TFAP2C: variants seen among roughly 807,000 people sequenced by gnomAD.
The protein encoded by TFAP2C is transcription factor AP-2 gamma.
In TFAP2C, 9 loss-of-function variants were observed where a neutral mutation model predicts 42.9. The ratio of observed to expected loss-of-function variants is 0.21; its 90% CI spans 0.13 to 0.37. The LOEUF is 0.37. Ranked by LOEUF, TFAP2C falls within the 10% of genes least tolerant of loss-of-function variation. The pLI is 1.00. For synonymous variants in TFAP2C, 264 were observed against 256.0 expected (o/e 1.03, Z -0.30); for missense variants, 462 against 591.7 (o/e 0.78, Z 2.27).
chr20:56,630,705 T>A lies in TFAP2C; in HGVS notation c.49-500T>A. On this transcript the variant is annotated intron_variant, in intron 1 of 6. Transcript: ENST00000201031. This position sits in a 1 kb window ranked among gnomAD's most constrained non-coding sequence, Gnocchi z 5.1. The stretch of plus-strand genomic sequence containing the variant: ...TGTCCCGAGGGCGTGGAAGGGAGGG[T>A]CCCGGGGGCGGGGGAGGTGCGCATT... The A allele has an allele frequency of 1.0e-6, 1 of 985,026 alleles. No homozygotes were observed. Among genetic ancestry groups the A allele is most frequent in the Non-Finnish European group, 1.2e-6 (1 of 829,792 alleles). The allele number at this position is 985,026 out of a possible 1,614,324, so 61.0% of individuals were successfully genotyped here. A position where few individuals can be genotyped will look rare whatever the true frequency, so the allele number is the denominator to read the frequency against.
In TFAP2C at chr20:56,629,452, C is replaced by G; in HGVS notation, c.-93C>G. ...GCGCGGCGGGGGCGGCGGCAGACGC[C>G]TGGTCACCGTGACCCCGATTTTGGA... On this transcript the variant is annotated 5_prime_UTR_variant, in exon 1 of 7. Transcript: ENST00000201031. This position sits in a 1 kb window ranked among gnomAD's most constrained non-coding sequence, Gnocchi z 5.9. The G allele has an allele frequency of 8.4e-7, 1 of 1,190,504 alleles. No individual in the cohort carries two copies. The highest frequency in any genetic ancestry group is 1.1e-6 in the Non-Finnish European group (1 of 909,432). 73.7% of individuals were successfully genotyped at this position (1,190,504 alleles called of 1,614,324 possible).
At chr20:56,634,064 C>T (rs1987543263) in intron 4 of TFAP2C, 86 bp from the exon 5 acceptor site, 2 of 881,792 alleles carry the variant, frequency 2.3e-6, no homozygotes, top group Middle Eastern at 2.2e-4. Flanking sequence ...GACAGCAGCA[C>T]TTTAGGAGTT....
chr20:56,636,930 T>C (rs1987593427), intron 6 of TFAP2C, among the ~76,000 whole-genome samples, 176 bp downstream of exon 6: 1 of 152,208 alleles, frequency 6.6e-6, no homozygotes, highest in South Asian at 2.1e-4. Context: ...CATTAACTTT[T>C]TGTATGATTT....
In TFAP2C at chr20:56,629,645, G is replaced by T; in HGVS notation, c.48+53G>T. On this transcript the variant is annotated intron_variant, in intron 1 of 6. Coordinates refer to ENST00000201031, the MANE Select transcript of TFAP2C (RefSeq NM_003222.4). This position sits in a 1 kb window ranked among gnomAD's most constrained non-coding sequence, Gnocchi z 5.9. ...CGCCCCGCCGAGGACAGTCCGGGAG[G>T]CAGGGGCCACTGGACCGAGGTCGGG... 1 of 1,349,004 alleles carries T rather than the reference G, an allele frequency of 7.4e-7. No individual in the cohort carries two copies. Among genetic ancestry groups the T allele is most frequent in the East Asian group, 2.8e-5 (1 of 36,014 alleles). 83.6% of individuals were successfully genotyped at this position (1,349,004 alleles called of 1,614,324 possible). A position where few individuals can be genotyped will look rare whatever the true frequency, so the allele number is the denominator to read the frequency against.
rs1555825343 is a variant in TFAP2C at position 56,631,754 on chromosome 20, A to C, written c.535-51A>C. ...CTACGGCCTTCTGCCCCCACCCCGC[A>C]CTCCTCTAGGCTCCCCCGAACTTAA... On this transcript the variant is annotated intron_variant, in intron 2 of 6. Transcript: ENST00000201031. This position sits in a 1 kb window ranked among gnomAD's most constrained non-coding sequence, Gnocchi z 6.1. The C allele has an allele frequency of 6.2e-7, 1 of 1,611,310 alleles. No homozygotes were observed. Among genetic ancestry groups the C allele is most frequent in the South Asian group, 1.1e-5 (1 of 90,790 alleles).
rs745966633 is a variant in TFAP2C at position 56,638,284 on chromosome 20, TTCTTTCCTTCTCTGAAAG to T, written c.*273_*290del. On this transcript the variant is annotated 3_prime_UTR_variant, in exon 7 of 7. Coordinates refer to ENST00000201031, the MANE Select transcript of TFAP2C (RefSeq NM_003222.4). ...TTAAGCTTTTTTTTTTTGAACCCCA[TTCTTTCCTTCTCTGAAAG>T]TGGTGCTATAAGTTTTAGAATCTTT... 68 of 373,236 alleles carry T rather than the reference TTCTTTCCTTCTCTGAAAG, an allele frequency of 1.8e-4. No homozygotes were observed. The highest frequency in any genetic ancestry group is 3.0e-4 in the Non-Finnish European group (62 of 207,386). The allele number at this position is 373,236 out of a possible 1,614,324, so 23.1% of individuals were successfully genotyped here.
rs188914795 is a variant in TFAP2C at position 56,637,994 on chromosome 20, T to C, written c.1334T>C (p.Met445Thr). 2.2e-5 allele frequency: 35 copies of C among 1,612,884 alleles called. No individual in the cohort carries two copies. The highest frequency in any genetic ancestry group is 5.0e-5 in the Admixed American group (3 of 59,912). ...PADSNKTLEK[M>T]EKHRK ...GATTCTAACAAAACCCTGGAGAAAA[T>C]GGAGAAACACAGGAAATAAAATTGG... is the stretch of plus-strand genomic sequence containing the variant. The change falls in exon 7 of 7, where the codon ATG becomes ACG. Residue 445 changes from methionine (M) to threonine (T), a missense_variant. Around this residue, in one of 5 missense-constraint regions of TFAP2C, gnomAD observed 130 missense variants for 160.8 expected, o/e 0.81. Coordinates refer to ENST00000201031, the MANE Select transcript of TFAP2C (RefSeq NM_003222.4).
At position 56,630,855 on chromosome 20, in the gene TFAP2C, C is replaced by G. The variant is rs1987475078; in HGVS notation, c.49-350C>G. The G allele has an allele frequency of 1.0e-6, 1 of 984,714 alleles. No homozygotes were observed. The highest frequency in any genetic ancestry group is 1.1e-4 in the East Asian group (1 of 8,794). 61.0% of individuals were successfully genotyped at this position (984,714 alleles called of 1,614,324 possible). On this transcript the variant is annotated intron_variant, in intron 1 of 6. Coordinates refer to ENST00000201031, the MANE Select transcript of TFAP2C (RefSeq NM_003222.4). This position sits in a 1 kb window ranked among gnomAD's most constrained non-coding sequence, Gnocchi z 5.1. ...GGCTCCTTCGCCCCGGGCTCTGGCT[C>G]CTTCGCCCCGGGCTCCGGCCACGGA...
At position 56,631,577 on chromosome 20, in the gene TFAP2C, G is replaced by T; in HGVS notation, c.421G>T (p.Asp141Tyr). The T allele has an allele frequency of 1.3e-6, 2 of 1,538,470 alleles. No homozygotes were observed. Among genetic ancestry groups the T allele is most frequent in the Non-Finnish European group, 1.7e-6 (2 of 1,149,592 alleles). ...GGCGGGCGCGGTGAGCGCCCGCAGG[G>T]ATGCCTACCGCCGCTCCGACCTGCT... ...LEAGAVSARR[D>Y]AYRRSDLLLP... Residue 141 changes from aspartate to tyrosine, a missense_variant, in exon 2 of 7, where the codon GAT becomes TAT. This residue lies in a region of TFAP2C where 271 missense variants were observed against 269.7 expected (regional missense o/e 1.00). Transcript: ENST00000201031. This position sits in a 1 kb window ranked among gnomAD's most constrained non-coding sequence, Gnocchi z 6.1.
Position 56,631,023 on chromosome 20 carries a change from T to C in TFAP2C, c.49-182T>C. 2.0e-6 allele frequency: 2 copies of C among 985,298 alleles called. No homozygotes were observed. Among genetic ancestry groups the C allele is most frequent in the Non-Finnish European group, 2.4e-6 (2 of 829,866 alleles). The allele number at this position is 985,298 out of a possible 1,614,324, so 61.0% of individuals were successfully genotyped here. Reference sequence around the variant, plus strand: ...CAGACTCTCCTCCCTCCCCGCACTCTTTGCTTACAACGAAATCCTCGGGGC... The same window carrying C: ...CAGACTCTCCTCCCTCCCCGCACTCCTTGCTTACAACGAAATCCTCGGGGC... On this transcript the variant is annotated intron_variant, in intron 1 of 6. Transcript: ENST00000201031. This position sits in a 1 kb window ranked among gnomAD's most constrained non-coding sequence, Gnocchi z 6.1.
Position 56,636,748 on chromosome 20 carries a change from C to A in TFAP2C, c.1061C>A (p.Ala354Glu). Residue 354 changes from alanine (A) to glutamate (E), a missense_variant, in exon 6 of 7, where the codon GCG becomes GAG. Transcript: ENST00000201031. ...EMAARKNMLL[A>E]AQQLCKEFTE... The stretch of plus-strand genomic sequence containing the variant: ...GCAGCTAGGAAGAACATGCTATTGG[C>A]GGCCCAGTAAGTATCTGAACTTGAA... The A allele has an allele frequency of 6.2e-7, 1 of 1,612,148 alleles. No individual in the cohort carries two copies.
rs1987491406 is a variant in TFAP2C, at chr20:56,631,548, T to C, written c.392T>C (p.Leu131Pro). 6.5e-7 allele frequency: 1 copy of C among 1,530,880 alleles called. No individual in the cohort carries two copies. Among genetic ancestry groups the C allele is most frequent in the Non-Finnish European group, 8.7e-7 (1 of 1,145,266 alleles). The allele number at this position is 1,530,880 out of a possible 1,614,324, so 94.8% of individuals were successfully genotyped here. ...GGCCTACTGCCCCACCTCTCCGGGCTGGAGGCGGGCGCGGTGAGCGCCCGC... is the reference window on the plus strand; with the variant it reads ...GGCCTACTGCCCCACCTCTCCGGGCCGGAGGCGGGCGCGGTGAGCGCCCGC... ...PAGLLPHLSG[L>P]EAGAVSARRD... The change falls in exon 2 of 7, where the codon CTG becomes CCG. Residue 131 changes from leucine to proline, a missense_variant. Around this residue, in one of 5 missense-constraint regions of TFAP2C, gnomAD observed 271 missense variants for 269.7 expected, o/e 1.00. Coordinates refer to ENST00000201031, the MANE Select transcript of TFAP2C (RefSeq NM_003222.4). The surrounding 1 kb of genome is among the most constrained non-coding windows in gnomAD (Gnocchi z 6.1).
chr20:56,631,315 A>C lies in TFAP2C; in HGVS notation c.159A>C (p.Glu53Asp). The change falls in exon 2 of 7, where the codon GAA becomes GAC. Residue 53 changes from glutamate (E) to aspartate (D), a missense_variant. Coordinates refer to ENST00000201031, the MANE Select transcript of TFAP2C (RefSeq NM_003222.4). The surrounding 1 kb of genome is among the most constrained non-coding windows in gnomAD (Gnocchi z 6.1). ...APPLSHTGVA[E>D]YQPPPYFPPP... The stretch of plus-strand genomic sequence containing the variant: ...CCCTCTCCCACACTGGAGTCGCCGA[A>C]TATCAGCCGCCACCCTACTTTCCCC... The C allele has an allele frequency of 6.2e-7, 1 of 1,608,368 alleles. No homozygotes were observed. Among genetic ancestry groups the C allele is most frequent in the East Asian group, 2.3e-5 (1 of 44,338 alleles).
Position 56,638,264 on chromosome 20 carries a change from C to CT in TFAP2C, c.*262dup, listed in dbSNP as rs112295160. 5,632 of 351,922 alleles carry CT rather than the reference C, an allele frequency of 0.016. 2 individuals carry two copies. Among genetic ancestry groups the CT allele is most frequent in the Middle Eastern group, 0.027 (34 of 1,280 alleles). 21.8% of individuals were successfully genotyped at this position (351,922 alleles called of 1,614,324 possible). A position where few individuals can be genotyped will look rare whatever the true frequency, so the allele number is the denominator to read the frequency against. On this transcript the variant is annotated 3_prime_UTR_variant, in exon 7 of 7. Coordinates refer to ENST00000201031, the MANE Select transcript of TFAP2C (RefSeq NM_003222.4). ...AAGTACTGGCTCTTTATTCATTAAGCTTTTTTTTTTTGAACCCCATTCTTT... is the reference window on the plus strand; with the variant it reads ...AAGTACTGGCTCTTTATTCATTAAGCTTTTTTTTTTTTGAACCCCATTCTTT...
intron 5 of TFAP2C, among the ~76,000 whole-genome samples, chr20:56,635,326 C>T (rs931651461): frequency 6.6e-6 from 1 of 152,050 alleles, no homozygotes. Context: ...TTCAGTCAAC[C>T]CAGGGGGCCC....
rs368862120 is a variant in TFAP2C at position 56,630,831 on chromosome 20, G to T, written c.49-374G>T. 1.0e-6 allele frequency: 1 copy of T among 984,004 alleles called. No individual in the cohort carries two copies. The highest frequency in any genetic ancestry group is 1.1e-4 in the East Asian group (1 of 8,756). 61.0% of individuals were successfully genotyped at this position (984,004 alleles called of 1,614,324 possible). On this transcript the variant is annotated intron_variant, in intron 1 of 6. Coordinates refer to ENST00000201031, the MANE Select transcript of TFAP2C (RefSeq NM_003222.4). The surrounding 1 kb of genome is among the most constrained non-coding windows in gnomAD (Gnocchi z 5.1). ...GAGATAGCTCTGCACCGGGCGTCCG[G>T]CTCCTTCGCCCCGGGCTCTGGCTCC...
At chr20:56,635,753 A>G (rs1026069956) in intron 5 of TFAP2C, among the ~76,000 whole-genome samples, 1 of 152,210 alleles carries the variant, frequency 6.6e-6, no homozygotes, top group Non-Finnish European at 1.5e-5. Flanking sequence ...TACTCATCTC[A>G]GTATCCATGG....
At chr20:56,633,871 C>T (rs551381615) in intron 4 of TFAP2C, among the ~76,000 whole-genome samples, 42 of 152,130 alleles carry the variant, frequency 2.8e-4, no homozygotes, top group Non-Finnish European at 5.3e-4. Context: ...TTTGTGGGGC[C>T]GTTGTAGTTT....
In TFAP2C at chr20:56,630,898, C is replaced by T. The variant is rs1462849767; in HGVS notation, c.49-307C>T. On this transcript the variant is annotated intron_variant, in intron 1 of 6. Transcript: ENST00000201031. The surrounding 1 kb of genome is among the most constrained non-coding windows in gnomAD (Gnocchi z 5.1). ...GCCACGGACTTTTCTGGCCCAAGAC[C>T]CAGGGTTCGGACTTGGCGCCTCCAA... The T allele has an allele frequency of 2.0e-6, 2 of 985,296 alleles. No individual in the cohort carries two copies. The highest frequency in any genetic ancestry group is 3.5e-5 in the African/African-American group (2 of 57,244). The allele number at this position is 985,296 out of a possible 1,614,324, so 61.0% of individuals were successfully genotyped here. A position where few individuals can be genotyped will look rare whatever the true frequency, so the allele number is the denominator to read the frequency against.
Sources: gnomAD v4.1 joint callset for allele counts (sites outside exome capture counted in the v4.1 genomes callset) on GRCh38, gnomAD v4.1.1 for gene constraint, gnomAD v4.1.1 regional missense constraint, Gnocchi (gnomAD v3.1) non-coding constraint, MANE v1.5 for transcripts, NCBI Gene and HGNC (gene_info 2026-07-23, HGNC 2026-07-21) for gene names.